Variants in NLGN4X observed in about 807,000 individuals in gnomAD.
NLGN4X encodes the protein neuroligin-4, X-linked.
NLGN4X carries 3 observed loss-of-function variants against 40.3 expected under a neutral mutation model. That is an observed-to-expected ratio of 0.07 (90% CI 0.03 to 0.19). The LOEUF is 0.19. Ranked by LOEUF, NLGN4X falls within the 10% of genes least tolerant of loss-of-function variation. NLGN4X has a pLI of 1.00. For missense variants in NLGN4X, 382 were observed against 708.3 expected, an observed-to-expected ratio of 0.54 and a Z score of 5.23; for synonymous variants, 270 against 306.8, an observed-to-expected ratio of 0.88 and a Z score of 1.25.
intron 3 of NLGN4X, among the ~76,000 whole-genome samples, chrX:6,018,638 T>C (rs2036455088): frequency 8.9e-6 from 1 of 112,199 alleles, no homozygotes; most frequent in African/African-American, 3.2e-5. Flanking sequence ...GAAATGCTTA[T>C]CATTATGTGT....
At chrX:6,212,526 T>C (rs1297828265) in intron 1 of NLGN4X, among the ~76,000 whole-genome samples, 2 of 111,717 alleles carry the variant, frequency 1.8e-5, no homozygotes, top group Non-Finnish European at 3.8e-5. Context: ...AGTAACATGT[T>C]CCTTCAACTT....
intron 3 of NLGN4X, among the ~76,000 whole-genome samples, chrX:5,961,348 C>T (rs927739217): frequency 8.9e-6 from 1 of 112,249 alleles, no homozygotes; most frequent in Non-Finnish European, 1.9e-5. Context: ...ATTGACACTC[C>T]ATTAACAGTC....
At chrX:6,073,702 C>G (rs1045243700) in intron 2 of NLGN4X, among the ~76,000 whole-genome samples, 4 of 110,642 alleles carry the variant, frequency 3.6e-5, no homozygotes, top group Admixed American at 9.7e-5. Context: ...CATTGGAAAC[C>G]AGGAAAGAGC....
At chrX:6,008,545 A>G (rs1012919245) in intron 3 of NLGN4X, among the ~76,000 whole-genome samples, 6 of 111,797 alleles carry the variant, frequency 5.4e-5, no homozygotes, top group African/African-American at 1.9e-4. Flanking sequence ...TTTAAAAGTT[A>G]CTTTATTTTC....
chrX:6,226,190 G>A (rs1470382706), intron 1 of NLGN4X, among the ~76,000 whole-genome samples: 3 of 109,005 alleles, frequency 2.8e-5, no homozygotes, highest in African/African-American at 1.0e-4. Context: ...GAACCTCCTA[G>A]GACCCCTTCA....
At chrX:6,222,462 C>G (rs1046414392) in intron 1 of NLGN4X, among the ~76,000 whole-genome samples, 2 of 111,664 alleles carry the variant, frequency 1.8e-5, no homozygotes, top group African/African-American at 3.3e-5. Flanking sequence ...ATAAAACAAC[C>G]CAAACAAAAT....
At chrX:6,118,866 T>G (rs2039358326) in intron 2 of NLGN4X, among the ~76,000 whole-genome samples, 1 of 111,414 alleles carries the variant, frequency 9.0e-6, no homozygotes, top group Non-Finnish European at 1.9e-5. Context: ...CTAGCCCAAC[T>G]GGTCTTCTCC....
intron 3 of NLGN4X, among the ~76,000 whole-genome samples, chrX:5,921,003 C>T (rs1455519129): frequency 9.1e-6 from 1 of 109,909 alleles, no homozygotes; most frequent in African/African-American, 3.3e-5. Flanking sequence ...AAGAAAAACG[C>T]TAATAGCATG....
At chrX:6,201,691 G>A (rs1923627537) in intron 1 of NLGN4X, among the ~76,000 whole-genome samples, 2 of 111,272 alleles carry the variant, frequency 1.8e-5, no homozygotes, top group Non-Finnish European at 3.8e-5. Context: ...CCAAGATGAG[G>A]AATTGAGAGG....
chrX:6,113,974 C>T (rs751812022), intron 2 of NLGN4X, among the ~76,000 whole-genome samples: 1 of 110,734 alleles, frequency 9.0e-6, no homozygotes, highest in South Asian at 3.9e-4. Context: ...GTGTGCACCA[C>T]TACGCCCGGC....
intron 2 of NLGN4X, among the ~76,000 whole-genome samples, chrX:6,064,629 G>A (rs2037859902): frequency 9.0e-6 from 1 of 111,221 alleles, no homozygotes; most frequent in Non-Finnish European, 1.9e-5. Context: ...GGACAAGCAT[G>A]TCATCAATAG....
At chrX:6,058,485 T>TTA (rs1456925924) in intron 2 of NLGN4X, among the ~76,000 whole-genome samples, 1 of 112,575 alleles carries the variant, frequency 8.9e-6, no homozygotes, top group Non-Finnish European at 1.9e-5. Flanking sequence ...ATTGAGATCC[T>TTA]TACTTGCATA....
At chrX:5,997,652 ATAT>A (rs1569177404) in intron 3 of NLGN4X, among the ~76,000 whole-genome samples, 11 of 102,264 alleles carry the variant, frequency 1.1e-4, no homozygotes, top group Admixed American at 2.2e-4. Context: ...ATATATATAT[ATAT>A]AATAGCCTTT....
chrX:6,188,606 CTA>C lies in NLGN4X; in HGVS notation c.-305-36837_-305-36836del, dbSNP rs1417814409. 2.2e-4 allele frequency among the ~76,000 whole-genome samples: 24 copies of C among 110,439 alleles called. No homozygotes were observed. The Admixed American group carries it at 2.3e-3, about 11-fold the overall frequency. On this transcript the variant is annotated intron_variant, in intron 1 of 5. Transcript: ENST00000381095. ...CACCACATTGATTTGCATAACTACT[CTA>C]TGTCCTTTGAAACCACAAAATGTTT... is the stretch of plus-strand genomic sequence containing the variant.
chrX:6,181,447 C>T (rs1413493349), intron 1 of NLGN4X, among the ~76,000 whole-genome samples: 2 of 111,107 alleles, frequency 1.8e-5, no homozygotes, highest in African/African-American at 6.5e-5. Context: ...TCCTGTTTCC[C>T]GCTGCTTATA....
chrX:6,019,100 G>T (rs964957377), intron 3 of NLGN4X, among the ~76,000 whole-genome samples: 2 of 111,935 alleles, frequency 1.8e-5, no homozygotes, highest in Admixed American at 9.5e-5. Flanking sequence ...TTAGTCCCTA[G>T]GAAATTTACT....
At chrX:5,981,338 C>T (rs1295375185) in intron 3 of NLGN4X, among the ~76,000 whole-genome samples, 1 of 109,334 alleles carries the variant, frequency 9.1e-6, no homozygotes, top group Non-Finnish European at 1.9e-5. Flanking sequence ...TCTTAGTTTG[C>T]TCTTCAGTTT....
At chrX:5,969,245 A>C (rs749464047) in intron 3 of NLGN4X, among the ~76,000 whole-genome samples, 10 of 111,353 alleles carry the variant, frequency 9.0e-5, no homozygotes, top group African/African-American at 3.3e-4. Flanking sequence ...CAACCTACAA[A>C]ATGGGAGAAA....
intron 3 of NLGN4X, among the ~76,000 whole-genome samples, chrX:5,941,550 T>C (rs990805805): frequency 8.9e-6 from 1 of 112,159 alleles, no homozygotes; most frequent in Non-Finnish European, 1.9e-5. Context: ...AAAAAGTCAT[T>C]GCACCTTTGT....
Sources: gnomAD v4.1 joint callset for allele counts (sites outside exome capture counted in the v4.1 genomes callset) on GRCh38, gnomAD v4.1.1 for gene constraint, MANE v1.5 for transcripts, NCBI Gene and HGNC (gene_info 2026-07-23, HGNC 2026-07-21) for gene names.